The following DNAH6 variants were observed in gnomAD, a reference collection of about 807,000 sequenced individuals.
DNAH6 encodes axonemal beta dynein heavy chain 6.
In DNAH6, 340 loss-of-function variants were observed where a neutral mutation model predicts 491.4. That is an observed-to-expected ratio of 0.69 (90% CI 0.63 to 0.76). The LOEUF is 0.76. Ranked by LOEUF, DNAH6 falls within the 30% of genes least tolerant of loss-of-function variation. DNAH6 has a pLI of 0.00. For missense variants in DNAH6, 4,443 were observed against 4,972.2 expected (o/e 0.89, Z 3.20); for synonymous variants, 1,603 against 1,686.1 (o/e 0.95, Z 1.21).
chr2:84,786,424 CAA>C (rs34307388), intron 67 of DNAH6, among the ~76,000 whole-genome samples: 28,692 of 88,814 alleles, frequency 0.32, 3,222 homozygotes, highest in African/African-American at 0.47. Context: ...GACTCTGTCT[CAA>C]AAAAAAAAAA....
intron 21 of DNAH6, among the ~76,000 whole-genome samples, chr2:84,611,347 T>G (rs1686310713): frequency 6.6e-6 from 1 of 152,168 alleles, no homozygotes; most frequent in Non-Finnish European, 1.5e-5. Flanking sequence ...GTCACTGAAC[T>G]TTCCTCTTCC....
rs764037459 is a variant in DNAH6 at position 84,619,937 on chromosome 2, T to C, written c.3792+33T>C. On this transcript the variant is annotated intron_variant, in intron 24 of 76. Transcript: ENST00000389394. ...GCTTTTATTTATATTTCTTTATTGA[T>C]GAACTTTGCTACTCCTCTAGGGTTA... is the stretch of plus-strand genomic sequence containing the variant. The C allele has an allele frequency of 6.0e-6, 9 of 1,507,336 alleles. No individual in the cohort carries two copies. In the South Asian group the frequency reaches 9.7e-5, roughly 16 times the overall value. The allele number at this position is 1,507,336 out of a possible 1,614,324, so 93.4% of individuals were successfully genotyped here.
chr2:84,637,384 A>G lies in DNAH6; in HGVS notation c.4821+7A>G, dbSNP rs944401431. On this transcript the variant is annotated splice_region_variant and intron_variant, in intron 31 of 76. Transcript: ENST00000389394. Reference sequence around the variant, plus strand: ...TTATGCCTTGATTGCAGAGGTGAGCATCACATTATAAAGCAGCAGAAATGT... The same window carrying G: ...TTATGCCTTGATTGCAGAGGTGAGCGTCACATTATAAAGCAGCAGAAATGT... 34 of 1,528,598 alleles carry G rather than the reference A, an allele frequency of 2.2e-5. No individual in the cohort carries two copies. Among genetic ancestry groups the G allele is most frequent in the Non-Finnish European group, 2.9e-5 (33 of 1,132,846 alleles). 94.7% of individuals were successfully genotyped at this position (1,528,598 alleles called of 1,614,324 possible).
At chr2:84,737,282 T>G (rs1477402627) in intron 62 of DNAH6, among the ~76,000 whole-genome samples, 2 of 152,108 alleles carry the variant, frequency 1.3e-5, no homozygotes, top group Admixed American at 6.5e-5. Context: ...TATTGGCCTT[T>G]GTTTTCTTTT....
intron 18 of DNAH6, among the ~76,000 whole-genome samples, chr2:84,601,034 T>TTATTAGTTTTATTTTGTTA (rs1685178132): frequency 6.8e-6 from 1 of 146,502 alleles, no homozygotes; most frequent in African/African-American, 2.5e-5. Flanking sequence ...AATGTTATTA[T>TTATTAGTTTTATTTTGTTA]TATACTATAA....
At chr2:84,660,619 T>TAA (rs566529589) in intron 37 of DNAH6, among the ~76,000 whole-genome samples, 89 of 149,188 alleles carry the variant, frequency 6.0e-4, no homozygotes, top group African/African-American at 2.0e-3. Flanking sequence ...AGTATTTACT[T>TAA]AAAAAAAAAA....
At chr2:84,616,605 A>G (rs1356881282) in intron 22 of DNAH6, among the ~76,000 whole-genome samples, 2 of 152,088 alleles carry the variant, frequency 1.3e-5, no homozygotes, top group African/African-American at 4.8e-5. Context: ...GAGTCTCTTG[A>G]AGACAGCAGT....
At position 84,545,813 on chromosome 2, in the gene DNAH6, G is replaced by A. The variant is rs7593030; in HGVS notation, c.930+1313G>A. On this transcript the variant is annotated intron_variant, in intron 5 of 76. Transcript: ENST00000389394. Reference sequence around the variant, plus strand: ...ATTCCCCTAGACAAGGTTGAAGGGAGACATACGAGTTGTCCTCGTTTTCTT... The same window carrying A: ...ATTCCCCTAGACAAGGTTGAAGGGAAACATACGAGTTGTCCTCGTTTTCTT... Among the ~76,000 whole-genome samples the A allele has an allele frequency of 9.5e-3, 1,447 of 152,296 alleles. 22 individuals carry two copies. The highest frequency in any genetic ancestry group is 0.034 in the African/African-American group (1,393 of 41,576).
At chr2:84,479,475 T>A in the DNAH6 span, among the ~76,000 whole-genome samples, 1 of 152,226 alleles carries the variant, frequency 6.6e-6, no homozygotes, top group Non-Finnish European at 1.5e-5. Context: ...GGCTTTTACC[T>A]AGTTTAATAG....
At position 84,619,878 on chromosome 2, in the gene DNAH6, G is replaced by A; in HGVS notation, c.3766G>A (p.Ala1256Thr). The stretch of plus-strand genomic sequence containing the variant: ...AAAGGTTTATACTAATGATATTTTA[G>A]CAATGCTGTCACCAGAGGGAGAAAG... ...PEKVYTNDIL[A>T]MLSPEGERVS... The change falls in exon 24 of 77, where the codon GCA becomes ACA. Residue 1256 changes from alanine to threonine, a missense_variant. Transcript: ENST00000389394. 1.3e-6 allele frequency: 2 copies of A among 1,551,148 alleles called. No individual in the cohort carries two copies. Among genetic ancestry groups the A allele is most frequent in the Non-Finnish European group, 8.7e-7 (1 of 1,146,634 alleles).
intron 62 of DNAH6, among the ~76,000 whole-genome samples, chr2:84,736,711 A>G (rs1699566642): frequency 6.6e-6 from 1 of 152,166 alleles, no homozygotes. Flanking sequence ...GAAGTCATTT[A>G]TCAGATCTAG....
intron 29 of DNAH6, among the ~76,000 whole-genome samples, chr2:84,633,969 G>A (rs1659665453): frequency 6.6e-6 from 1 of 152,072 alleles, no homozygotes; most frequent in Admixed American, 6.6e-5. Context: ...TATCTCAAGT[G>A]CCCAAAAGAA....
chr2:84,633,984 C>T (rs1002205382), intron 29 of DNAH6, among the ~76,000 whole-genome samples: 1 of 152,126 alleles, frequency 6.6e-6, no homozygotes, highest in African/African-American at 2.4e-5. Context: ...AAAGAAATGC[C>T]ACACTTTAGA....
rs1696823053 is a variant in DNAH6, at chr2:84,709,388, A to G, written c.9094A>G (p.Ile3032Val). 2.6e-6 allele frequency: 4 copies of G among 1,551,564 alleles called. No individual in the cohort carries two copies. The highest frequency in any genetic ancestry group is 2.6e-6 in the Non-Finnish European group (3 of 1,147,012). ...GGACTGTCAGTCTCTGGAGATCCCA[A>G]TCGATCCTTCCTTCAGTCTCATTAA... ...IQDCQSLEIP[I>V]DPSFSLINIL... Residue 3032 changes from isoleucine to valine, a missense_variant, in exon 55 of 77, where the codon ATC becomes GTC. By Grantham distance (29) the Ile-to-Val change is conservative. This residue lies in a region of DNAH6 where 1,463 missense variants were observed against 1,656.6 expected (regional missense o/e 0.88). Coordinates refer to ENST00000389394, the MANE Select transcript of DNAH6 (RefSeq NM_001370.2).
intron 33 of DNAH6, among the ~76,000 whole-genome samples, chr2:84,648,148 T>A (rs186530474): frequency 9.8e-5 from 15 of 152,382 alleles, no homozygotes; most frequent in Middle Eastern, 3.4e-3. Context: ...CTGCCCTTTT[T>A]TGTTCTAAAT....
At chr2:84,721,370 A>G (rs1432669320) in intron 59 of DNAH6, among the ~76,000 whole-genome samples, 2 of 152,134 alleles carry the variant, frequency 1.3e-5, no homozygotes, top group Non-Finnish European at 2.9e-5. Context: ...GGGTTATTAC[A>G]GGGAGAGTTT....
At chr2:84,587,263 A>G (rs1293116798) in intron 15 of DNAH6, among the ~76,000 whole-genome samples, 1 of 152,212 alleles carries the variant, frequency 6.6e-6, no homozygotes, top group Non-Finnish European at 1.5e-5. Context: ...AGCTCCACCT[A>G]TATTCCTGCA....
At chr2:84,572,686 G>C (rs974553371) in intron 11 of DNAH6, among the ~76,000 whole-genome samples, 5 of 152,138 alleles carry the variant, frequency 3.3e-5, no homozygotes, top group Admixed American at 1.3e-4. Context: ...TGGTGTGTTG[G>C]ATTTGTGCAA....
chr2:84,540,134 C>G (rs1453881313), intron 4 of DNAH6, among the ~76,000 whole-genome samples: 5 of 152,258 alleles, frequency 3.3e-5, no homozygotes, highest in Admixed American at 6.5e-5. Context: ...TAAGGAATAA[C>G]TCTCTTTCTT....
Sources: allele counts gnomAD v4.1 joint callset (sites outside exome capture counted in the v4.1 genomes callset), GRCh38; gene constraint gnomAD v4.1.1; regional missense constraint gnomAD v4.1.1; transcripts MANE v1.5; gene names NCBI Gene and HGNC (gene_info 2026-07-23, HGNC 2026-07-21).